C1orf167: variants seen among roughly 807,000 people sequenced by gnomAD.
C1orf167 encodes the protein uncharacterized protein C1orf167.
A neutral mutation model predicts 176.5 loss-of-function variants in C1orf167; 153 were observed. That is an observed-to-expected ratio of 0.87 (90% confidence interval 0.76 to 0.99). The LOEUF is 0.99. C1orf167 is among the 50% of genes least tolerant of loss of function. The probability of loss-of-function intolerance (pLI) is 0.00; values close to 1 mark genes in which losing one functional copy is unlikely to be tolerated. For synonymous variants in C1orf167, 594 were observed against 752.7 expected (o/e 0.79, Z 3.45); for missense variants, 1,490 against 1,817.7 (o/e 0.82, Z 3.28).
intron 9 of C1orf167, 101 bp from the exon 10 acceptor site, chr1:11,776,363 G>C: frequency 9.2e-7 from 1 of 1,087,024 alleles, no homozygotes. Flanking sequence ...GGACAAGAGG[G>C]GAGAGCTCCC....
In C1orf167 at chr1:11,789,299, AGCCAGGAGCCCAAGGAGAGGAGCT is replaced by A. The variant is rs1403694056; in HGVS notation, c.4209_4232del (p.Arg1403_Ala1410del). On this transcript the variant is annotated inframe_deletion, in exon 21 of 21. Transcript: ENST00000688073. ...TTAAGAAGTGGCACCAACGCCTGGC[AGCCAGGAGCCCAAGGAGAGGAGCT>A]GCCAGTAGCCCAAGACCCTGGAGCA... The A allele has an allele frequency of 3.8e-6, 5 of 1,303,992 alleles. No homozygotes were observed. The highest frequency in any genetic ancestry group is 2.5e-5 in the South Asian group (2 of 81,016). 80.8% of individuals were successfully genotyped at this position (1,303,992 alleles called of 1,614,324 possible). A position where few individuals can be genotyped will look rare whatever the true frequency, so the allele number is the denominator to read the frequency against.
chr1:11,788,314 G>A lies in C1orf167; in HGVS notation c.4014G>A (p.Val1338=). The change falls in exon 19 of 21, where the codon GTG becomes GTA. Residue 1338 remains valine, a synonymous_variant. Coordinates refer to ENST00000688073, the MANE Select transcript of C1orf167 (RefSeq NM_001010881.2). ...CTGCGGGGTTCCCAGCAGGCCAGGT[G>A]CCTGGCAGTGGCATGGCAGCACTGG... ...SRAAGFPAGQ[V]PGSGMAALGG... is the part of the protein sequence containing the mutation. 7.7e-7 allele frequency: 1 copy of A among 1,302,762 alleles called. No individual in the cohort carries two copies. The highest frequency in any genetic ancestry group is 1.0e-6 in the Non-Finnish European group (1 of 988,082). 80.7% of individuals were successfully genotyped at this position (1,302,762 alleles called of 1,614,324 possible). A position where few individuals can be genotyped will look rare whatever the true frequency, so the allele number is the denominator to read the frequency against.
In C1orf167 at chr1:11,766,028, G is replaced by T; in HGVS notation, c.242G>T (p.Arg81Leu). Residue 81 changes from arginine to leucine, a missense_variant, in exon 3 of 21, where the codon CGC (arginine) becomes CTC (leucine). Transcript: ENST00000688073. The surrounding 1 kb of genome is among the most constrained non-coding windows in gnomAD (Gnocchi z 4.5). Reference sequence around the variant, plus strand: ...ACCAACCTGGCCAGCCCTGGTCCCCGCCTGGGCCTAGCTCTGAAGGACACG... The same window carrying T: ...ACCAACCTGGCCAGCCCTGGTCCCCTCCTGGGCCTAGCTCTGAAGGACACG... ...VQTNLASPGP[R>L]LGLALKDTTG... is the part of the protein sequence containing the mutation. 2 of 1,289,802 alleles carry T rather than the reference G, an allele frequency of 1.6e-6. No homozygotes were observed. The highest frequency in any genetic ancestry group is 2.0e-6 in the Non-Finnish European group (2 of 988,860). 79.9% of individuals were successfully genotyped at this position (1,289,802 alleles called of 1,614,324 possible).
At position 11,787,479 on chromosome 1, in the gene C1orf167, C is replaced by T. The variant is rs755921837; in HGVS notation, c.3659C>T (p.Thr1220Met). ...GGTGGACGGAGGAAGCCAAGGGGAA[C>T]GGCCTGGGCTCAGAGTAAGGAGACC... Reference protein sequence around the residue: ...SLGGRRKPRGTAWAQRCREHS... With the variant: ...SLGGRRKPRGMAWAQRCREHS... The change falls in exon 17 of 21, where the codon ACG becomes ATG. Residue 1220 changes from threonine (T) to methionine (M), a missense_variant. By Grantham distance (81) the Thr-to-Met change is moderately conservative (BLOSUM62 -1). Transcript: ENST00000688073. 3.8e-6 allele frequency: 5 copies of T among 1,302,514 alleles called. No homozygotes were observed. Among genetic ancestry groups the T allele is most frequent in the South Asian group, 2.5e-5 (2 of 80,902 alleles). The allele number at this position is 1,302,514 out of a possible 1,614,324, so 80.7% of individuals were successfully genotyped here.
At chr1:11,783,109 C>T (rs1309376867) in intron 14 of C1orf167, among the ~76,000 whole-genome samples, 1 of 151,998 alleles carries the variant, frequency 6.6e-6, no homozygotes, top group Admixed American at 6.6e-5. Flanking sequence ...TAAAACCAAG[C>T]AGAGGACACA....
intron 8 of C1orf167, among the ~76,000 whole-genome samples, chr1:11,773,976 T>G (rs1174053671): frequency 6.6e-6 from 1 of 150,862 alleles, no homozygotes; most frequent in Non-Finnish European, 1.5e-5. Context: ...CAATCATGTC[T>G]CACTGTAGCC....
chr1:11,766,352 CT>C lies in C1orf167; in HGVS notation c.567del (p.Leu190SerfsTer135). Reference sequence around the variant, plus strand: ...TTCAGGCCCACTGAAGCCTTTGCCCCTCTCGATGGGCATACACAGCCAGGCC... The same window carrying C: ...TTCAGGCCCACTGAAGCCTTTGCCCCCTCGATGGGCATACACAGCCAGGCC... ...GDFRPTEAFA[P>X]LDGHTQPGLR... is the part of the protein sequence containing the mutation. On this transcript the variant is annotated frameshift_variant, in exon 3 of 21. Transcript: ENST00000688073. LOFTEE classifies it high-confidence loss of function. The surrounding 1 kb of genome is among the most constrained non-coding windows in gnomAD (Gnocchi z 4.5). 1.6e-6 allele frequency: 2 copies of C among 1,275,206 alleles called. No homozygotes were observed. Among genetic ancestry groups the C allele is most frequent in the Non-Finnish European group, 2.0e-6 (2 of 982,334 alleles). The allele number at this position is 1,275,206 out of a possible 1,614,324, so 79.0% of individuals were successfully genotyped here.
At position 11,788,725 on chromosome 1, in the gene C1orf167, A is replaced by C. The variant is rs1228615756; in HGVS notation, c.4152A>C (p.Ala1384=). 1 of 1,304,194 alleles carries C rather than the reference A, an allele frequency of 7.7e-7. No homozygotes were observed. The highest frequency in any genetic ancestry group is 1.2e-5 in the South Asian group (1 of 81,036). The allele number at this position is 1,304,194 out of a possible 1,614,324, so 80.8% of individuals were successfully genotyped here. The change falls in exon 20 of 21, where the codon GCA becomes GCC. Residue 1384 remains alanine (A), a synonymous_variant. Transcript: ENST00000688073. ...AADPATASGS[A]VTAAGRWAFK... is the part of the protein sequence containing the mutation. ...ATCCTGCGACTGCGAGTGGCTCAGC[A>C]GTTACAGCAGCAGGAAGATGGGTGG...
Position 11,766,024 on chromosome 1 carries a change from C to G in C1orf167, c.238C>G (p.Pro80Ala), listed in dbSNP as rs1284292846. Residue 80 changes from proline (P) to alanine (A), a missense_variant, in exon 3 of 21, where the codon CCC becomes GCC. By Grantham distance (27) the Pro-to-Ala change is conservative. Coordinates refer to ENST00000688073, the MANE Select transcript of C1orf167 (RefSeq NM_001010881.2). This position sits in a 1 kb window ranked among gnomAD's most constrained non-coding sequence, Gnocchi z 4.5. ...RVQTNLASPG[P>A]RLGLALKDTT... ...CCAGACCAACCTGGCCAGCCCTGGT[C>G]CCCGCCTGGGCCTAGCTCTGAAGGA... 7.8e-7 allele frequency: 1 copy of G among 1,289,804 alleles called. No homozygotes were observed. The highest frequency in any genetic ancestry group is 1.0e-6 in the Non-Finnish European group (1 of 988,854). The allele number at this position is 1,289,804 out of a possible 1,614,324, so 79.9% of individuals were successfully genotyped here. A position where few individuals can be genotyped will look rare whatever the true frequency, so the allele number is the denominator to read the frequency against.
intron 15 of C1orf167, 133 bp downstream of exon 15, chr1:11,784,726 C>A: frequency 9.8e-7 from 1 of 1,019,172 alleles, no homozygotes; most frequent in Non-Finnish European, 1.3e-6. Context: ...TTGGGGGTGA[C>A]AGGGAGAGGC....
chr1:11,765,735 A>G (rs1642758675), intron 2 of C1orf167, 122 bp from the exon 3 acceptor site: 1 of 942,960 alleles, frequency 1.1e-6, no homozygotes, highest in Non-Finnish European at 1.4e-6. Context: ...AAGACCCTGG[A>G]AGTCTTAGCT....
chr1:11,768,234 G>A lies in C1orf167; in HGVS notation c.1501G>A (p.Gly501Arg), dbSNP rs1467657369. 2.3e-6 allele frequency: 3 copies of A among 1,289,916 alleles called. No individual in the cohort carries two copies. The highest frequency in any genetic ancestry group is 3.0e-6 in the Non-Finnish European group (3 of 988,856). The allele number at this position is 1,289,916 out of a possible 1,614,324, so 79.9% of individuals were successfully genotyped here. ...GGAGGCTCAGCTGGAGGCAGCATGG[G>A]GGCAGTACACAAAGGTTCTGCTGGT... ...LREAQLEAAWGQYTKVLLVRS... is the reference protein window; with the variant it reads ...LREAQLEAAWRQYTKVLLVRS... The change falls in exon 5 of 21, where the codon GGG (glycine) becomes AGG (arginine). Residue 501 changes from glycine (G) to arginine (R), a missense_variant. Physicochemically the swap from Gly to Arg is moderately radical, Grantham distance 125. Coordinates refer to ENST00000688073, the MANE Select transcript of C1orf167 (RefSeq NM_001010881.2). The surrounding 1 kb of genome is among the most constrained non-coding windows in gnomAD (Gnocchi z 4.5).
chr1:11,765,684 G>C (rs190820398), intron 2 of C1orf167, among the ~76,000 whole-genome samples, 173 bp from the exon 3 acceptor site: 1 of 151,984 alleles, frequency 6.6e-6, no homozygotes, highest in African/African-American at 2.4e-5. Context: ...AAGAGCCCCC[G>C]GGGCTGCCCA....
At chr1:11,771,933 C>CA (rs1254338340) in intron 7 of C1orf167, 149 bp from the exon 8 acceptor site, 1 of 541,620 alleles carries the variant, frequency 1.8e-6, no homozygotes, top group Non-Finnish European at 2.9e-6. Flanking sequence ...AGGCCCACAC[C>CA]AGAGGCTGGA....
chr1:11,783,526 T>C (rs1347339660), intron 14 of C1orf167, among the ~76,000 whole-genome samples: 1 of 152,004 alleles, frequency 6.6e-6, no homozygotes, highest in Non-Finnish European at 1.5e-5. Context: ...GGATTACAGG[T>C]GTGAGCCACT....
chr1:11,784,512 C>T lies in C1orf167; in HGVS notation c.3344C>T (p.Thr1115Ile). Reference sequence around the variant, plus strand: ...GGGGCCCAGGCAGCCCAGTGCTGGACTTGGTGCTGGGCTCTGTGGGTGCAT... The same window carrying T: ...GGGGCCCAGGCAGCCCAGTGCTGGATTTGGTGCTGGGCTCTGTGGGTGCAT... ...SAGAQAAQCW[T>I]WCWALWVHES... Residue 1115 changes from threonine (T) to isoleucine (I), a missense_variant, in exon 15 of 21, where the codon ACT becomes ATT. Physicochemically the swap from Thr to Ile is moderately conservative, Grantham distance 89. Transcript: ENST00000688073. The T allele has an allele frequency of 3.1e-6, 4 of 1,302,674 alleles. No individual in the cohort carries two copies. Among genetic ancestry groups the T allele is most frequent in the Non-Finnish European group, 3.0e-6 (3 of 988,690 alleles). 80.7% of individuals were successfully genotyped at this position (1,302,674 alleles called of 1,614,324 possible).
In C1orf167 at chr1:11,775,606, A is replaced by G; in HGVS notation, c.2160A>G (p.Lys720=). ...CCCAGCTGTCCCTCTGCCGGCAGAA[A>G]GCAGGTGAGCTAGTGTTGGCTTCCG... The part of the protein sequence containing the change: ...KVTQLSLCRQ[K]AGREAVYTAG... The change falls in exon 9 of 21, where the codon AAA becomes AAG. Residue 720 remains lysine (K), a synonymous_variant. Coordinates refer to ENST00000688073, the MANE Select transcript of C1orf167 (RefSeq NM_001010881.2). 1 of 1,302,280 alleles carries G rather than the reference A, an allele frequency of 7.7e-7. No individual in the cohort carries two copies. Among genetic ancestry groups the G allele is most frequent in the East Asian group, 5.6e-5 (1 of 17,986 alleles). 80.7% of individuals were successfully genotyped at this position (1,302,280 alleles called of 1,614,324 possible). A position where few individuals can be genotyped will look rare whatever the true frequency, so the allele number is the denominator to read the frequency against.
chr1:11,764,723 C>T (rs2100226397), intron 2 of C1orf167, among the ~76,000 whole-genome samples: 1 of 152,296 alleles, frequency 6.6e-6, no homozygotes, highest in African/African-American at 2.4e-5. Context: ...ACAGCTCGGT[C>T]CTGGGGACAT....
Position 11,787,474 on chromosome 1 carries a change from G to C in C1orf167, c.3654G>C (p.Arg1218Ser), listed in dbSNP as rs1247513298. 7.7e-7 allele frequency: 1 copy of C among 1,303,226 alleles called. No individual in the cohort carries two copies. The highest frequency in any genetic ancestry group is 1.0e-6 in the Non-Finnish European group (1 of 988,692). 80.7% of individuals were successfully genotyped at this position (1,303,226 alleles called of 1,614,324 possible). Residue 1218 changes from arginine to serine, a missense_variant, in exon 17 of 21, where the codon AGG (arginine) becomes AGC (serine). Coordinates refer to ENST00000688073, the MANE Select transcript of C1orf167 (RefSeq NM_001010881.2). ...GCCTGGGTGGACGGAGGAAGCCAAG[G>C]GGAACGGCCTGGGCTCAGAGTAAGG... is the stretch of plus-strand genomic sequence containing the variant. The part of the protein sequence containing the change: ...QCSLGGRRKP[R>S]GTAWAQRCRE...
Sources: gnomAD v4.1 joint callset for allele counts (sites outside exome capture counted in the v4.1 genomes callset) on GRCh38, gnomAD v4.1.1 for gene constraint, Gnocchi (gnomAD v3.1) non-coding constraint, MANE v1.5 for transcripts, NCBI Gene and HGNC (gene_info 2026-07-23, HGNC 2026-07-21) for gene names.